Variants in ZMAT4 observed in about 807,000 individuals in gnomAD.
The protein encoded by ZMAT4 is zinc finger matrin-type protein 4.
In ZMAT4, 17 loss-of-function variants were observed where a neutral mutation model predicts 28.7. The ratio of observed to expected loss-of-function variants is 0.59; its 90% CI spans 0.41 to 0.89. The LOEUF is 0.89. Among genes scored for constraint, ZMAT4 ranks in the 40% least tolerant of loss-of-function variants. The probability of loss-of-function intolerance (pLI) is 0.00; values close to 1 mark genes in which losing one functional copy is unlikely to be tolerated. For synonymous variants in ZMAT4, 117 were observed against 109.2 expected, an observed-to-expected ratio of 1.07 and a Z score of -0.44; for missense variants, 240 against 283.8, an observed-to-expected ratio of 0.85 and a Z score of 1.11.
intron 5 of ZMAT4, among the ~76,000 whole-genome samples, chr8:40,631,070 A>G (rs2599642): frequency 0.56 from 85,425 of 151,816 alleles, 25,201 homozygotes; most frequent in East Asian, 0.69. Flanking sequence ...CAAGTGCTCA[A>G]TAGCAACATG....
chr8:40,844,020 AG>A (rs1816791779), intron 1 of ZMAT4, among the ~76,000 whole-genome samples: 1 of 152,222 alleles, frequency 6.6e-6, no homozygotes, highest in Non-Finnish European at 1.5e-5. Flanking sequence ...ATTCAGCAAA[AG>A]TCCAACTGAT....
At chr8:40,861,148 G>A (rs1817474526) in intron 1 of ZMAT4, among the ~76,000 whole-genome samples, 1 of 152,218 alleles carries the variant, frequency 6.6e-6, no homozygotes, top group Non-Finnish European at 1.5e-5. Flanking sequence ...GCTAGGGCCA[G>A]GGGGGACCCT....
chr8:40,659,226 T>G (rs1203419356), intron 5 of ZMAT4, among the ~76,000 whole-genome samples: 1 of 152,058 alleles, frequency 6.6e-6, no homozygotes, highest in Admixed American at 6.6e-5. Context: ...AACTCCTAAG[T>G]GTGCACTTTA....
chr8:40,805,990 T>TTGTC (rs76667123), intron 2 of ZMAT4, among the ~76,000 whole-genome samples: 17,732 of 152,046 alleles, frequency 0.12, 1,356 homozygotes, highest in East Asian at 0.34. Flanking sequence ...CTGATGAACC[T>TTGTC]TGTCTGAGAA....
chr8:40,569,913 C>T (rs753077293), intron 6 of ZMAT4, among the ~76,000 whole-genome samples: 26 of 152,184 alleles, frequency 1.7e-4, no homozygotes, highest in Non-Finnish European at 2.9e-4. Context: ...ACTAAAGAAA[C>T]GTCGGTTAAA....
chr8:40,894,999 G>C (rs1401735980), intron 1 of ZMAT4, among the ~76,000 whole-genome samples: 1 of 152,198 alleles, frequency 6.6e-6, no homozygotes, highest in African/African-American at 2.4e-5. Context: ...GTTGGCAAAA[G>C]ATTACTTACT....
intron 6 of ZMAT4, among the ~76,000 whole-genome samples, chr8:40,571,155 G>GT (rs1309739400): frequency 2.0e-5 from 3 of 152,050 alleles, no homozygotes; most frequent in Admixed American, 2.0e-4. Flanking sequence ...AATATTAAGT[G>GT]TCATCGGTAA....
chr8:40,843,776 T>C (rs984855919), intron 1 of ZMAT4, among the ~76,000 whole-genome samples: 1 of 152,184 alleles, frequency 6.6e-6, no homozygotes, highest in Non-Finnish European at 1.5e-5. Flanking sequence ...CATCACTACA[T>C]CCTGGTGGCA....
chr8:40,660,184 T>C (rs1808122813), intron 5 of ZMAT4, among the ~76,000 whole-genome samples: 1 of 152,216 alleles, frequency 6.6e-6, no homozygotes, highest in Non-Finnish European at 1.5e-5. Flanking sequence ...TTATCTAATG[T>C]AGACATCATA....
chr8:40,702,896 T>C (rs1294249850), intron 3 of ZMAT4, among the ~76,000 whole-genome samples: 1 of 152,034 alleles, frequency 6.6e-6, no homozygotes, highest in Non-Finnish European at 1.5e-5. Flanking sequence ...GAAACACGCA[T>C]AGAGAGTAAT....
At chr8:40,599,488 A>G (rs994336605) in intron 5 of ZMAT4, among the ~76,000 whole-genome samples, 3 of 152,178 alleles carry the variant, frequency 2.0e-5, no homozygotes, top group Non-Finnish European at 4.4e-5. Flanking sequence ...AAAATTGGAA[A>G]ACTTGACCAA....
intron 3 of ZMAT4, among the ~76,000 whole-genome samples, chr8:40,759,428 G>C (rs1458528948): frequency 6.6e-6 from 1 of 152,152 alleles, no homozygotes; most frequent in East Asian, 1.9e-4. Flanking sequence ...CATGGGAGTG[G>C]AGCCCTCATG....
At chr8:40,790,873 G>T (rs1814297831) in intron 2 of ZMAT4, among the ~76,000 whole-genome samples, 1 of 152,166 alleles carries the variant, frequency 6.6e-6, no homozygotes, top group Non-Finnish European at 1.5e-5. Context: ...TACACTACCT[G>T]CTTCAAGATT....
intron 5 of ZMAT4, among the ~76,000 whole-genome samples, chr8:40,621,603 A>T (rs1431458285): frequency 6.6e-6 from 1 of 152,230 alleles, no homozygotes; most frequent in Non-Finnish European, 1.5e-5. Flanking sequence ...AACAATACTG[A>T]CATGATTTGA....
chr8:40,552,707 C>G (rs1803401980), intron 6 of ZMAT4, among the ~76,000 whole-genome samples: 1 of 152,138 alleles, frequency 6.6e-6, no homozygotes, highest in African/African-American at 2.4e-5. Flanking sequence ...AGTGTGTCAT[C>G]AGCACAGGCA....
At chr8:40,560,995 G>A (rs962169483) in intron 6 of ZMAT4, among the ~76,000 whole-genome samples, 1 of 152,030 alleles carries the variant, frequency 6.6e-6, no homozygotes, top group Non-Finnish European at 1.5e-5. Flanking sequence ...ACTTAGTAGA[G>A]ATTTACCTCT....
chr8:40,886,915 T>A (rs1336152361), intron 1 of ZMAT4, among the ~76,000 whole-genome samples: 1 of 152,168 alleles, frequency 6.6e-6, no homozygotes, highest in East Asian at 1.9e-4. Flanking sequence ...CTCACGCCTA[T>A]AATCCCAGCA....
chr8:40,752,324 C>T (rs1812484977), intron 3 of ZMAT4, among the ~76,000 whole-genome samples: 1 of 152,154 alleles, frequency 6.6e-6, no homozygotes, highest in African/African-American at 2.4e-5. Context: ...TCTCCTCCTT[C>T]CCCCTACTCC....
chr8:40,582,643 T>C lies in ZMAT4; in HGVS notation c.578-1382A>G, dbSNP rs192054689. On this transcript the variant is annotated intron_variant, in intron 5 of 6. Transcript: ENST00000297737. ...ACAGGCAAAGTTATTCCTCTTTTCC[T>C]GAAAAGAAAATAATGCACTATGCTG... is the stretch of plus-strand genomic sequence containing the variant. 6.8e-4 allele frequency among the ~76,000 whole-genome samples: 104 copies of C among 152,370 alleles called. 1 individual carries two copies. In the East Asian group the frequency reaches 0.013, roughly 19 times the overall value.
Sources: gnomAD v4.1 joint callset for allele counts (sites outside exome capture counted in the v4.1 genomes callset) on GRCh38, gnomAD v4.1.1 for gene constraint, MANE v1.5 for transcripts, NCBI Gene and HGNC (gene_info 2026-07-23, HGNC 2026-07-21) for gene names.